The following MYLK variants were observed in gnomAD, a reference collection of about 807,000 sequenced individuals.
MYLK encodes myosin light chain kinase, smooth muscle.
In MYLK, 106 loss-of-function variants were observed where a neutral mutation model predicts 203.4. The ratio of observed to expected loss-of-function variants is 0.52; its 90% CI spans 0.45 to 0.61. The LOEUF (loss-of-function observed/expected upper bound fraction) is 0.61, where lower values mean the gene tolerates loss of function less well. MYLK is among the 20% of genes least tolerant of loss of function. The pLI is 0.00. For missense variants in MYLK, 2,072 were observed against 2,442.3 expected (o/e 0.85, Z 3.20); for synonymous variants, 867 against 959.5 (o/e 0.90, Z 1.78).
At chr3:123,624,363 CCTGA>C (rs1241677646) in intron 31 of MYLK, 1 of 151,692 alleles carries the variant, frequency 6.6e-6, no homozygotes, top group Non-Finnish European at 1.5e-5. Flanking sequence ...ACTATGATTC[CCTGA>C]CTGATTTAAC....
At chr3:123,867,308 C>T (rs1484739321) in intron 2 of MYLK, among the ~76,000 whole-genome samples, 1 of 151,888 alleles carries the variant, frequency 6.6e-6, no homozygotes. Context: ...GAAGTCCTAA[C>T]CTCTGGTACC....
chr3:123,811,798 G>A (rs2065570421), intron 3 of MYLK, among the ~76,000 whole-genome samples: 1 of 152,156 alleles, frequency 6.6e-6, no homozygotes, highest in Admixed American at 6.5e-5. Context: ...GCTTCTACCT[G>A]GTGGACACAG....
rs1162455960 is a variant in MYLK, at chr3:123,701,016, T to C, written c.2463-11A>G. 3.1e-6 allele frequency: 5 copies of C among 1,599,224 alleles called. No individual in the cohort carries two copies. In the Admixed American group the frequency reaches 6.7e-5, roughly 21 times the overall value. On this transcript the variant is annotated splice_polypyrimidine_tract_variant and intron_variant, in intron 17 of 33. Coordinates refer to ENST00000360304, the MANE Select transcript of MYLK (RefSeq NM_053025.4). ...GCAGGCTCCCTCCCCCTGCAACCAG[T>C]GTAGGGAAAAAGGAAAGTAGCAGGA... is the stretch of plus-strand genomic sequence containing the variant.
intron 2 of MYLK, among the ~76,000 whole-genome samples, chr3:123,864,500 T>C (rs1379456534): frequency 1.3e-5 from 2 of 152,188 alleles, no homozygotes; most frequent in Admixed American, 1.3e-4. Context: ...GATGGACAGA[T>C]AGGTGATAAA....
chr3:123,628,591 G>A (rs2058268469), intron 30 of MYLK, among the ~76,000 whole-genome samples: 2 of 152,200 alleles, frequency 1.3e-5, no homozygotes, highest in African/African-American at 2.4e-5. Flanking sequence ...TAGGCCAGCT[G>A]TTCTCACCTG....
chr3:123,721,985 G>A (rs1446406103), intron 13 of MYLK, 143 bp downstream of exon 13: 25 of 1,069,042 alleles, frequency 2.3e-5, no homozygotes, highest in Middle Eastern at 2.0e-4. Context: ...ACCTGCCGCT[G>A]CCAGTGGTGT....
intron 4 of MYLK, among the ~76,000 whole-genome samples, chr3:123,773,352 T>C (rs1449674034): frequency 6.6e-6 from 1 of 152,248 alleles, no homozygotes; most frequent in Non-Finnish European, 1.5e-5. Flanking sequence ...TTGTTTTCTA[T>C]ACTTTCTGTA....
chr3:123,765,913 A>AG (rs972674717), intron 4 of MYLK, among the ~76,000 whole-genome samples: 1 of 152,136 alleles, frequency 6.6e-6, no homozygotes, highest in African/African-American at 2.4e-5. Flanking sequence ...CAGGGGCTAG[A>AG]GGGAAAGGAA....
chr3:123,661,751 A>C (rs1416586110), intron 23 of MYLK, among the ~76,000 whole-genome samples: 1 of 152,152 alleles, frequency 6.6e-6, no homozygotes, highest in Non-Finnish European at 1.5e-5. Flanking sequence ...AGGTAAACAG[A>C]AATATGGACA....
intron 2 of MYLK, among the ~76,000 whole-genome samples, chr3:123,840,181 G>A (rs1480558399): frequency 3.3e-5 from 5 of 151,696 alleles, no homozygotes; most frequent in Non-Finnish European, 7.4e-5. Flanking sequence ...CAGAAAGAAG[G>A]AAATAATAAA....
At chr3:123,862,740 A>G (rs2032024809) in intron 2 of MYLK, among the ~76,000 whole-genome samples, 1 of 152,222 alleles carries the variant, frequency 6.6e-6, no homozygotes, top group Non-Finnish European at 1.5e-5. Flanking sequence ...TGCTAAATAA[A>G]AAAGGTGAAA....
intron 3 of MYLK, among the ~76,000 whole-genome samples, chr3:123,813,540 T>C (rs1414205212): frequency 1.3e-5 from 2 of 151,716 alleles, no homozygotes; most frequent in African/African-American, 4.8e-5. Flanking sequence ...AGATGGAGTC[T>C]CGCTCTGTTG....
intron 3 of MYLK, among the ~76,000 whole-genome samples, chr3:123,820,636 TTCCTTCCCTCCTTCCTTCCTTCCTTCCC>T (rs2065896243): frequency 1.6e-5 from 2 of 123,938 alleles, no homozygotes; most frequent in African/African-American, 2.7e-5. Flanking sequence ...CCTTCCTTCC[TTCCTTCCCTCCTTCCTTCCTTCCTTCCC>T]TCCTTCCTTC....
At chr3:123,740,061 A>T (rs2062811430) in intron 5 of MYLK, 60 bp from the exon 6 acceptor site, 1 of 1,569,206 alleles carries the variant, frequency 6.4e-7, no homozygotes, top group Non-Finnish European at 8.8e-7. Context: ...AATGAAAGTA[A>T]AAAGATTCAA....
At chr3:123,717,808 T>G (rs1359088590) in intron 13 of MYLK, among the ~76,000 whole-genome samples, 2 of 151,840 alleles carry the variant, frequency 1.3e-5, no homozygotes, top group Non-Finnish European at 2.9e-5. Context: ...TAGCCTGTGT[T>G]GGGGAAAGAA....
At chr3:123,840,036 G>A (rs2066554889) in intron 2 of MYLK, among the ~76,000 whole-genome samples, 2 of 152,134 alleles carry the variant, frequency 1.3e-5, no homozygotes, top group East Asian at 3.9e-4. Context: ...AAATTTGGGG[G>A]GATGCAGGAA....
intron 6 of MYLK, among the ~76,000 whole-genome samples, chr3:123,739,427 C>G (rs113248553): frequency 6.6e-6 from 1 of 152,234 alleles, no homozygotes; most frequent in South Asian, 2.1e-4. Flanking sequence ...TCTGCAGTCT[C>G]TCGTCCACTC....
intron 3 of MYLK, among the ~76,000 whole-genome samples, chr3:123,796,696 GA>G (rs1296782891): frequency 2.0e-5 from 3 of 152,168 alleles, no homozygotes; most frequent in African/African-American, 7.2e-5. Flanking sequence ...TGCAAATTAA[GA>G]ATAAGCTGTT....
At chr3:123,797,373 CAAGCT>C (rs1219141669) in intron 3 of MYLK, among the ~76,000 whole-genome samples, 1 of 152,070 alleles carries the variant, frequency 6.6e-6, no homozygotes, top group Non-Finnish European at 1.5e-5. Context: ...TACCATGGGC[CAAGCT>C]AGAGACTTGG....
Sources: allele counts gnomAD v4.1 joint callset (sites outside exome capture counted in the v4.1 genomes callset), GRCh38; gene constraint gnomAD v4.1.1; transcripts MANE v1.5; gene names NCBI Gene and HGNC (gene_info 2026-07-23, HGNC 2026-07-21).